The following SLU7 variants were observed in gnomAD, a reference collection of about 807,000 sequenced individuals.
The protein encoded by SLU7 is spliceosome associated SLU7, also known as pre-mRNA-splicing factor SLU7.
Under a neutral mutation model 87.0 loss-of-function variants are expected in SLU7, and 60 were observed. The observed-to-expected ratio is 0.69, with a 90% CI of 0.56 to 0.86. The LOEUF is 0.86. SLU7 is among the 40% of genes least tolerant of loss of function. The pLI is 0.00. For missense variants in SLU7, 507 were observed against 686.6 expected, an observed-to-expected ratio of 0.74 and a Z score of 2.92; for synonymous variants, 197 against 222.0, an observed-to-expected ratio of 0.89 and a Z score of 1.00.
chr5:160,413,192 G>A (rs185089171), intron 5 of SLU7, among the ~76,000 whole-genome samples: 1 of 152,256 alleles, frequency 6.6e-6, no homozygotes, highest in East Asian at 1.9e-4. Context: ...CTGTCTTCAT[G>A]CTTCCAATAT....
intron 1 of SLU7, chr5:160,417,283 T>C (rs1037054531): frequency 6.6e-6 from 1 of 152,224 alleles, no homozygotes; most frequent in Non-Finnish European, 1.5e-5. Flanking sequence ...AATTTTATGT[T>C]TTCCAGTAGT....
In SLU7 at chr5:160,413,993, T is replaced by C. The variant is rs1156323801; in HGVS notation, c.325-14A>G. On this transcript the variant is annotated splice_polypyrimidine_tract_variant and intron_variant, in intron 3 of 15. Transcript: ENST00000297151. ...AATTATGGAATTCTATAAATATATA[T>C]AAAGAAAAACAAAAATGTCTTAACC... 6.8e-7 allele frequency: 1 copy of C among 1,475,716 alleles called. No homozygotes were observed. The highest frequency in any genetic ancestry group is 9.2e-7 in the Non-Finnish European group (1 of 1,091,058). The allele number at this position is 1,475,716 out of a possible 1,614,324, so 91.4% of individuals were successfully genotyped here.
rs1015602533 is a variant in SLU7, at chr5:160,403,220, C to T, written c.*65G>A. On this transcript the variant is annotated 3_prime_UTR_variant, in exon 16 of 16. Transcript: ENST00000297151. ...AAACAAGGATTTTTCTATCTACAAT[C>T]ATCAATAAGAAGCTGAAAAGAATGT... 4 of 1,255,228 alleles carry T rather than the reference C, an allele frequency of 3.2e-6. No homozygotes were observed. The highest frequency in any genetic ancestry group is 3.3e-5 in the South Asian group (2 of 60,576). 77.8% of individuals were successfully genotyped at this position (1,255,228 alleles called of 1,614,324 possible).
At position 160,414,481 on chromosome 5, in the gene SLU7, A is replaced by G; in HGVS notation, c.171-9T>C. The G allele has an allele frequency of 6.6e-7, 1 of 1,517,764 alleles. No homozygotes were observed. The highest frequency in any genetic ancestry group is 8.8e-7 in the Non-Finnish European group (1 of 1,131,792). 94.0% of individuals were successfully genotyped at this position (1,517,764 alleles called of 1,614,324 possible). A position where few individuals can be genotyped will look rare whatever the true frequency, so the allele number is the denominator to read the frequency against. On this transcript the variant is annotated splice_polypyrimidine_tract_variant and intron_variant, in intron 2 of 15. Transcript: ENST00000297151. ...TATGGGGGTTGATGTCTCTGTAATT[A>G]AAGTAAAAAAAAAAAAAATTTAAGG...
chr5:160,408,473 G>C lies in SLU7; in HGVS notation c.688-13C>G, dbSNP rs369021348. On this transcript the variant is annotated splice_polypyrimidine_tract_variant and intron_variant, in intron 7 of 15. Transcript: ENST00000297151. ...TATGATCTTTTTCCTAAAAGAGGGA[G>C]AGGAAGGAAAAGTAAGAAGAAAAGA... 7 of 1,577,572 alleles carry C rather than the reference G, an allele frequency of 4.4e-6. No individual in the cohort carries two copies. Among genetic ancestry groups the C allele is most frequent in the Non-Finnish European group, 6.0e-6 (7 of 1,161,690 alleles).
At position 160,413,627 on chromosome 5, in the gene SLU7, A is replaced by G. The variant is rs770410517; in HGVS notation, c.406-7T>C. The G allele has an allele frequency of 1.2e-6, 2 of 1,604,382 alleles. No homozygotes were observed. The highest frequency in any genetic ancestry group is 4.5e-5 in the East Asian group (2 of 44,852). The stretch of plus-strand genomic sequence containing the variant: ...CTCCAACTCGCCTAGGTCTCTAAAA[A>G]CAGAGTAAGATTTAATCTTTTCCTA... On this transcript the variant is annotated splice_polypyrimidine_tract_variant and splice_region_variant and intron_variant, in intron 4 of 15. Transcript: ENST00000297151.
chr5:160,411,194 T>C (rs1395824915), intron 6 of SLU7, among the ~76,000 whole-genome samples: 1 of 151,930 alleles, frequency 6.6e-6, no homozygotes, highest in Non-Finnish European at 1.5e-5. Context: ...AGAGCATGTA[T>C]GTCTCATGGA....
At chr5:160,404,959 G>A (rs1764946589) in intron 13 of SLU7, 72 bp downstream of exon 13, 3 of 1,492,720 alleles carry the variant, frequency 2.0e-6, no homozygotes, top group African/African-American at 1.4e-5. Context: ...TGAAACATGA[G>A]ACAGCATGTT....
In SLU7 at chr5:160,406,460, G is replaced by A. The variant is rs765119701; in HGVS notation, c.1287+8C>T. On this transcript the variant is annotated splice_region_variant and intron_variant, in intron 12 of 15. Transcript: ENST00000297151. The stretch of plus-strand genomic sequence containing the variant: ...AAGGACACAAAATTGTTCCAGTTTA[G>A]CACATACTGTGTGATTGTGGATCTT... 1 of 1,598,980 alleles carries A rather than the reference G, an allele frequency of 6.3e-7. No homozygotes were observed. Among genetic ancestry groups the A allele is most frequent in the South Asian group, 1.1e-5 (1 of 88,854 alleles).
chr5:160,415,692 G>T (rs1765423289), intron 1 of SLU7, among the ~76,000 whole-genome samples: 1 of 152,074 alleles, frequency 6.6e-6, no homozygotes, highest in Non-Finnish European at 1.5e-5. Context: ...TATATTCACT[G>T]CCTCCATTTC....
intron 12 of SLU7, among the ~76,000 whole-genome samples, chr5:160,405,963 T>C (rs182171444): frequency 3.2e-4 from 49 of 152,228 alleles, no homozygotes; most frequent in African/African-American, 9.9e-4. Context: ...AAGGCATTTT[T>C]CTGTATATTT....
Position 160,406,477 on chromosome 5 carries a change from G to C in SLU7, c.1278C>G (p.His426Gln), listed in dbSNP as rs1167792669. The change falls in exon 12 of 16, where the codon CAC (histidine) becomes CAG (glutamine). Residue 426 changes from histidine (H) to glutamine (Q), a missense_variant. Physicochemically the swap from His to Gln is conservative, Grantham distance 24. Around this residue, in one of 6 missense-constraint regions of SLU7, gnomAD observed 201 missense variants for 213.4 expected, o/e 0.94. Transcript: ENST00000297151. Reference sequence around the variant, plus strand: ...CCAGTTTAGCACATACTGTGTGATTGTGGATCTTCACATCCTCCTCATACT... The same window carrying C: ...CCAGTTTAGCACATACTGTGTGATTCTGGATCTTCACATCCTCCTCATACT... ...CSKYEEDVKIHNHTHIWGSYW... is the reference protein window; with the variant it reads ...CSKYEEDVKIQNHTHIWGSYW... The C allele has an allele frequency of 6.2e-7, 1 of 1,608,744 alleles. No individual in the cohort carries two copies. The highest frequency in any genetic ancestry group is 8.5e-7 in the Non-Finnish European group (1 of 1,178,264).
intron 6 of SLU7, among the ~76,000 whole-genome samples, chr5:160,411,161 C>T (rs538108670): frequency 3.3e-5 from 5 of 152,214 alleles, no homozygotes; most frequent in African/African-American, 7.2e-5. Flanking sequence ...CCACCGCGCC[C>T]GGCCGGCAAA....
chr5:160,416,546 TCTC>T (rs1168533264), intron 1 of SLU7, among the ~76,000 whole-genome samples: 2 of 152,180 alleles, frequency 1.3e-5, no homozygotes, highest in African/African-American at 2.4e-5. Flanking sequence ...TGAAATCTAA[TCTC>T]CTACTCTTCC....
chr5:160,403,272 T>C lies in SLU7; in HGVS notation c.*13A>G. On this transcript the variant is annotated 3_prime_UTR_variant, in exon 16 of 16. Transcript: ENST00000297151. ...TCAGCTGCATCTATCTTGGATGGTC[T>C]TCTGACTAGTTGCTACTGTCCAAGG... 1 of 1,576,630 alleles carries C rather than the reference T, an allele frequency of 6.3e-7. No homozygotes were observed.
rs1402769342 is a variant in SLU7 at position 160,408,688 on chromosome 5, T to C, written c.649A>G (p.Lys217Glu). Residue 217 changes from lysine (K) to glutamate (E), a missense_variant, in exon 7 of 16, where the codon AAA becomes GAA. Transcript: ENST00000297151. ...GKLVEQANSP[K>E]HQWGEEEPNS... Reference sequence around the variant, plus strand: ...GGTTCCTCTTCTCCCCACTGGTGTTTTGGAGAATTCTGCATCATGAAAGAA... The same window carrying C: ...GGTTCCTCTTCTCCCCACTGGTGTTCTGGAGAATTCTGCATCATGAAAGAA... 15 of 1,561,614 alleles carry C rather than the reference T, an allele frequency of 9.6e-6. No homozygotes were observed. Among genetic ancestry groups the C allele is most frequent in the Non-Finnish European group, 1.3e-5 (15 of 1,144,014 alleles).
At chr5:160,403,505 C>A in intron 15 of SLU7, 41 bp from the exon 16 acceptor site, 2 of 1,504,324 alleles carry the variant, frequency 1.3e-6, no homozygotes, top group Non-Finnish European at 1.8e-6. Flanking sequence ...AGCTCTACAT[C>A]AGATGTCTTT....
rs1349462688 is a variant in SLU7 at position 160,407,768 on chromosome 5, G to A, written c.963C>T (p.Thr321=). The stretch of plus-strand genomic sequence containing the variant: ...TACACTGTGTCTGAGCCATTGAAAT[G>A]GTATCTCCTGTGTACCTAACAAAGT... The part of the protein sequence containing the change: ...GDNFVRYTGD[T]ISMAQTQLFA... The change falls in exon 10 of 16, where the codon ACC becomes ACT. Residue 321 remains threonine (T), a synonymous_variant. Coordinates refer to ENST00000297151, the MANE Select transcript of SLU7 (RefSeq NM_006425.5). This position sits in a 1 kb window ranked among gnomAD's most constrained non-coding sequence, Gnocchi z 4.2. The A allele has an allele frequency of 5.6e-6, 9 of 1,612,768 alleles. No homozygotes were observed. Among genetic ancestry groups the A allele is most frequent in the Admixed American group, 1.7e-5 (1 of 59,972 alleles).
At position 160,403,288 on chromosome 5, in the gene SLU7, C is replaced by T; in HGVS notation, c.1758G>A (p.Gln586=). Residue 586 remains glutamine (Q), a synonymous_variant, in exon 16 of 16, where the codon CAG becomes CAA. Coordinates refer to ENST00000297151, the MANE Select transcript of SLU7 (RefSeq NM_006425.5). ...PDDPMASFLG[Q] ...TGGATGGTCTTCTGACTAGTTGCTA[C>T]TGTCCAAGGAAAGAGGCCATGGGGT... is the stretch of plus-strand genomic sequence containing the variant. The T allele has an allele frequency of 6.3e-7, 1 of 1,591,184 alleles. No homozygotes were observed. Among genetic ancestry groups the T allele is most frequent in the Non-Finnish European group, 8.5e-7 (1 of 1,169,628 alleles).
Sources: gnomAD v4.1 joint callset for allele counts (sites outside exome capture counted in the v4.1 genomes callset) on GRCh38, gnomAD v4.1.1 for gene constraint, gnomAD v4.1.1 regional missense constraint, Gnocchi (gnomAD v3.1) non-coding constraint, MANE v1.5 for transcripts, NCBI Gene and HGNC (gene_info 2026-07-23, HGNC 2026-07-21) for gene names.